Variants in DYSF observed in about 807,000 individuals in gnomAD.
DYSF encodes dysferlin.
In DYSF, 212 loss-of-function variants were observed where a neutral mutation model predicts 274.9. That is an observed-to-expected ratio of 0.77 (90% CI 0.69 to 0.86). The LOEUF (loss-of-function observed/expected upper bound fraction) is 0.86, where lower values mean the gene tolerates loss of function less well. DYSF is among the 40% of genes least tolerant of loss of function. The probability of loss-of-function intolerance (pLI) is 0.00; values close to 1 mark genes in which losing one functional copy is unlikely to be tolerated. For synonymous variants in DYSF, 1,091 were observed against 1,078.7 expected (o/e 1.01, Z -0.22); for missense variants, 2,666 against 2,783.2 (o/e 0.96, Z 0.95).
chr2:71,657,145 C>T (rs1413110144), intron 43 of DYSF, among the ~76,000 whole-genome samples: 1 of 152,136 alleles, frequency 6.6e-6, no homozygotes, highest in African/African-American at 2.4e-5. Flanking sequence ...TACAGCCATT[C>T]CAAATGGGAG....
chr2:71,489,722 G>A (rs1277716093), intron 3 of DYSF, among the ~76,000 whole-genome samples: 1 of 152,174 alleles, frequency 6.6e-6, no homozygotes, highest in African/African-American at 2.4e-5. Flanking sequence ...GTGGGATTGA[G>A]GGGCTCTGTA....
chr2:71,494,184 G>A (rs906973408), intron 3 of DYSF, among the ~76,000 whole-genome samples: 6 of 152,174 alleles, frequency 3.9e-5, no homozygotes, highest in Non-Finnish European at 5.9e-5. Flanking sequence ...TAACATTAGC[G>A]ACTCCATTTT....
intron 51 of DYSF, among the ~76,000 whole-genome samples, chr2:71,673,749 T>C (rs920163321): frequency 1.3e-5 from 2 of 152,164 alleles, no homozygotes; most frequent in South Asian, 4.1e-4. Context: ...AATTACTTGC[T>C]TTGGTCTCCT....
At chr2:71,466,380 A>C (rs1198366703), upstream of DYSF, among the ~76,000 whole-genome samples, 1 of 152,108 alleles carries the variant, frequency 6.6e-6, no homozygotes, top group East Asian at 1.9e-4. Flanking sequence ...GGCGGCTGCC[A>C]AGTCGGCACC....
chr2:71,611,416 C>T (rs747705951), intron 37 of DYSF, 49 bp from the exon 38 acceptor site: 1 of 1,613,960 alleles, frequency 6.2e-7, no homozygotes, highest in Non-Finnish European at 8.5e-7. Context: ...CCCAGCCTTT[C>T]CTGGGGCCCG....
chr2:71,614,914 C>T (rs980273086), intron 40 of DYSF, among the ~76,000 whole-genome samples: 4 of 152,142 alleles, frequency 2.6e-5, no homozygotes, highest in Non-Finnish European at 5.9e-5. Flanking sequence ...GTGCTAGTGC[C>T]TCTGGGCTGC....
At chr2:71,560,334 C>T (rs2091644733) in intron 22 of DYSF, among the ~76,000 whole-genome samples, 1 of 150,782 alleles carries the variant, frequency 6.6e-6, no homozygotes, top group Admixed American at 6.6e-5. Context: ...CATAAATCAC[C>T]CTGGTTGGCT....
chr2:71,686,240 G>A (rs2095354977), intron 55 of DYSF, among the ~76,000 whole-genome samples: 1 of 152,234 alleles, frequency 6.6e-6, no homozygotes, highest in East Asian at 1.9e-4. Flanking sequence ...TGGAGCACTA[G>A]GCAGGGCGGA....
In DYSF at chr2:71,555,967, A is replaced by G; in HGVS notation, c.2112A>G (p.Glu704=). The G allele has an allele frequency of 6.4e-7, 1 of 1,559,068 alleles. No individual in the cohort carries two copies. The highest frequency in any genetic ancestry group is 8.7e-7 in the Non-Finnish European group (1 of 1,150,788). ...ACCCTTGCCTGCCCATTCCACAGGAAGCTGGCCTGGAGCAGGTCCACCTGG... is the reference window on the plus strand; with the variant it reads ...ACCCTTGCCTGCCCATTCCACAGGAGGCTGGCCTGGAGCAGGTCCACCTGG... ...NQLLGIADRL[E]AGLEQVHLAL... is the part of the protein sequence containing the mutation. Residue 704 remains glutamate, a splice_region_variant and synonymous_variant, in exon 22 of 56, where the codon GAA becomes GAG. Coordinates refer to ENST00000410020, the MANE Select transcript of DYSF (RefSeq NM_001130987.2).
intron 41 of DYSF, among the ~76,000 whole-genome samples, chr2:71,640,203 A>G (rs2094465782): frequency 6.6e-6 from 1 of 152,216 alleles, no homozygotes; most frequent in African/African-American, 2.4e-5. Flanking sequence ...AGAGGCACCT[A>G]TATGTGCAAG....
At chr2:71,491,232 T>C (rs2083827901) in intron 3 of DYSF, among the ~76,000 whole-genome samples, 1 of 152,212 alleles carries the variant, frequency 6.6e-6, no homozygotes, top group South Asian at 2.1e-4. Context: ...GTATTTTGGG[T>C]TGCTCGTCTT....
chr2:71,610,671 T>TCTC (rs58747173), intron 36 of DYSF: 27,699 of 170,480 alleles, frequency 0.16, 5,056 homozygotes, highest in African/African-American at 0.48. Flanking sequence ...GCTCAGTTGT[T>TCTC]CTCTTTCTGG....
intron 32 of DYSF, among the ~76,000 whole-genome samples, chr2:71,597,040 G>T (rs2093423855): frequency 6.6e-6 from 1 of 152,198 alleles, no homozygotes; most frequent in South Asian, 2.1e-4. Flanking sequence ...TCTGCCACCT[G>T]TGCAGTGGCC....
chr2:71,668,859 C>G lies in DYSF; in HGVS notation c.5546+17C>G. 6.2e-7 allele frequency: 1 copy of G among 1,610,764 alleles called. No homozygotes were observed. The highest frequency in any genetic ancestry group is 8.5e-7 in the Non-Finnish European group (1 of 1,178,248). The stretch of plus-strand genomic sequence containing the variant: ...AGCCAGAAGGTGACTTGCCCAGCCA[C>G]AGGCTCTGAGCTGGGCTGAGGGGTG... On this transcript the variant is annotated intron_variant, in intron 49 of 55. Transcript: ENST00000410020.
chr2:71,578,642 GGGAAAGACCGTGGGT>G (rs1198227700), intron 30 of DYSF, among the ~76,000 whole-genome samples: 1 of 152,180 alleles, frequency 6.6e-6, no homozygotes, highest in Admixed American at 6.5e-5. Flanking sequence ...GCAGGGGCTG[GGGAAAGACCGTGGGT>G]GGAAGCCAGG....
Position 71,526,349 on chromosome 2 carries a change from G to GC in DYSF, c.1276+4dup, listed in dbSNP as rs776475257. The GC allele has an allele frequency of 1.2e-6, 2 of 1,613,522 alleles. No homozygotes were observed. The highest frequency in any genetic ancestry group is 3.3e-5 in the Admixed American group (2 of 60,014). On this transcript the variant is annotated splice_donor_region_variant and intron_variant, in intron 13 of 55. Transcript: ENST00000410020. ...CCGGGCCGAGGACTTGCCGCAGAGTGCGTGGGGCGCGCCCTTGGGTGGGAG... is the reference window on the plus strand; with the variant it reads ...CCGGGCCGAGGACTTGCCGCAGAGTGCCGTGGGGCGCGCCCTTGGGTGGGAG...
intron 36 of DYSF, among the ~76,000 whole-genome samples, chr2:71,609,580 C>T (rs1159533942): frequency 1.3e-5 from 2 of 152,344 alleles, no homozygotes; most frequent in South Asian, 4.1e-4. Flanking sequence ...ATTCTCGGAG[C>T]AGCTTATCTC....
chr2:71,492,668 T>C (rs942822031), intron 3 of DYSF, among the ~76,000 whole-genome samples: 5 of 151,620 alleles, frequency 3.3e-5, no homozygotes, highest in Non-Finnish European at 7.4e-5. Flanking sequence ...ATATATGTTT[T>C]ATTATACTTA....
intron 45 of DYSF, among the ~76,000 whole-genome samples, chr2:71,662,878 G>A (rs549093946): frequency 5.8e-4 from 32 of 55,254 alleles, no homozygotes; most frequent in African/African-American, 1.5e-3. Context: ...ATGTATGTGT[G>A]TGTGTGTACG....
Sources: gnomAD v4.1 joint callset for allele counts (sites outside exome capture counted in the v4.1 genomes callset) on GRCh38, gnomAD v4.1.1 for gene constraint, MANE v1.5 for transcripts, NCBI Gene and HGNC (gene_info 2026-07-23, HGNC 2026-07-21) for gene names.